RNF40: variants seen among roughly 807,000 people sequenced by gnomAD.
RNF40 encodes the protein E3 ubiquitin-protein ligase BRE1B.
RNF40 carries 39 observed loss-of-function variants against 123.3 expected under a neutral mutation model. That is an observed-to-expected ratio of 0.32 (90% CI 0.24 to 0.41). The LOEUF is 0.41. RNF40 is among the 10% of genes least tolerant of loss of function. The pLI, the probability that RNF40 is intolerant of heterozygous loss-of-function variation, is 1.00. For synonymous variants in RNF40, 538 were observed against 526.0 expected (o/e 1.02, Z -0.31); for missense variants, 1,003 against 1,319.9 (o/e 0.76, Z 3.72).
rs1355180688 is a variant in RNF40 at position 30,776,066 on chromosome 16, C to T, written c.*1952C>T. On this transcript the variant is annotated 3_prime_UTR_variant, in exon 20 of 20. Transcript: ENST00000324685. ...TATTGCATCATAGAGACGCGGCCAC[C>T]TTCGCCCCTGGAGAGCGCCAGTCTC... The T allele has an allele frequency of 2.0e-5, 3 of 152,256 alleles. No homozygotes were observed. Among genetic ancestry groups the T allele is most frequent in the Non-Finnish European group, 2.9e-5 (2 of 68,066 alleles). 9.4% of individuals were successfully genotyped at this position (152,256 alleles called of 1,614,324 possible).
intron 17 of RNF40, 77 bp from the exon 18 acceptor site, chr16:30,771,756 C>A: frequency 6.8e-7 from 1 of 1,476,006 alleles, no homozygotes; most frequent in Non-Finnish European, 9.0e-7. Flanking sequence ...TGGACAGAAG[C>A]ATTGGTGGGC....
chr16:30,767,691 A>G, intron 11 of RNF40: 1 of 554,034 alleles, frequency 1.8e-6, no homozygotes, highest in Non-Finnish European at 3.1e-6. Context: ...CAAAAATCGT[A>G]TGAATAGGCA....
At position 30,775,206 on chromosome 16, in the gene RNF40, C is replaced by T. The variant is rs181540872; in HGVS notation, c.*1092C>T. 4 of 350,352 alleles carry T rather than the reference C, an allele frequency of 1.1e-5. No individual in the cohort carries two copies. Among genetic ancestry groups the T allele is most frequent in the South Asian group, 2.1e-5 (1 of 47,238 alleles). 21.7% of individuals were successfully genotyped at this position (350,352 alleles called of 1,614,324 possible). ...CGGCCTGCAGCCAGAGTAGCCAGGC[C>T]GCGCACCCCAAATGTAGTCCCCCGA... On this transcript the variant is annotated 3_prime_UTR_variant, in exon 20 of 20. Transcript: ENST00000324685.
chr16:30,764,914 C>CGTAA, intron 5 of RNF40, 24 bp from the exon 6 acceptor site: 5 of 1,607,046 alleles, frequency 3.1e-6, no homozygotes, highest in Non-Finnish European at 4.2e-6. Context: ...GAGCTGGGCT[C>CGTAA]TTACCTGGGC....
rs1461840471 is a variant in RNF40, at chr16:30,764,862, T to C, written c.650-76T>C. On this transcript the variant is annotated intron_variant, in intron 5 of 19. Coordinates refer to ENST00000324685, the MANE Select transcript of RNF40 (RefSeq NM_014771.4). Reference sequence around the variant, plus strand: ...CAGCTGGTGGATCACACTGGGTATATAGCAGACTCCAGAATGAGTTAGTTG... The same window carrying C: ...CAGCTGGTGGATCACACTGGGTATACAGCAGACTCCAGAATGAGTTAGTTG... 9 of 1,550,642 alleles carry C rather than the reference T, an allele frequency of 5.8e-6. No homozygotes were observed. The Admixed American group carries it at 7.8e-5, about 13-fold the overall frequency.
chr16:30,775,290 A>G lies in RNF40; in HGVS notation c.*1176A>G. Reference sequence around the variant, plus strand: ...GCTTGGTGTGAGCCTGGGAGGGCTCAGACTTAACGGCCGGCAGGGATCCCG... The same window carrying G: ...GCTTGGTGTGAGCCTGGGAGGGCTCGGACTTAACGGCCGGCAGGGATCCCG... On this transcript the variant is annotated 3_prime_UTR_variant, in exon 20 of 20. Coordinates refer to ENST00000324685, the MANE Select transcript of RNF40 (RefSeq NM_014771.4). 3.2e-6 allele frequency: 1 copy of G among 309,296 alleles called. No homozygotes were observed. The highest frequency in any genetic ancestry group is 6.3e-6 in the Non-Finnish European group (1 of 158,374). The allele number at this position is 309,296 out of a possible 1,614,324, so 19.2% of individuals were successfully genotyped here.
At chr16:30,769,137 A>G in intron 15 of RNF40, 49 bp from the exon 16 acceptor site, 1 of 1,605,116 alleles carries the variant, frequency 6.2e-7, no homozygotes, top group Admixed American at 1.7e-5. Flanking sequence ...CCCCACAGCC[A>G]TCCTGTCCAC....
rs1339633873 is a variant in RNF40, at chr16:30,772,129, G to A, written c.2768G>A (p.Arg923Lys). 2.1e-5 allele frequency: 33 copies of A among 1,555,788 alleles called. No homozygotes were observed. The highest frequency in any genetic ancestry group is 2.8e-5 in the Non-Finnish European group (32 of 1,149,392). ...CTGCGGCGCAAGCTGGAAAAGCAGA[G>A]GAAGGTGGAGGTCTACGCAGATGCC... ...SRLRRKLEKQ[R>K]KVEVYADADE... The change falls in exon 19 of 20, where the codon AGG becomes AAG. Residue 923 changes from arginine (R) to lysine (K), a missense_variant. Arg to Lys is a conservative substitution (Grantham distance 26). Coordinates refer to ENST00000324685, the MANE Select transcript of RNF40 (RefSeq NM_014771.4).
upstream of RNF40, chr16:30,762,018 T>C (rs917420456): frequency 5.3e-5 from 27 of 506,774 alleles, no homozygotes; most frequent in Non-Finnish European, 8.7e-5. Flanking sequence ...ACGTGAGAAG[T>C]TGCGAGTGCC....
At position 30,769,236 on chromosome 16, in the gene RNF40, G is replaced by A. The variant is rs1201751860; in HGVS notation, c.2298G>A (p.Glu766=). 1 of 1,614,246 alleles carries A rather than the reference G, an allele frequency of 6.2e-7. No individual in the cohort carries two copies. The highest frequency in any genetic ancestry group is 1.7e-5 in the Admixed American group (1 of 60,036). ...TGGATGTGACAGGTCAGGCTTTTGA[G>A]GACATGCAGGAACAGAACGGGCGGC... ...SEMDVTGQAF[E]DMQEQNGRLL... Residue 766 remains glutamate (E), a synonymous_variant, in exon 16 of 20, where the codon GAG becomes GAA. Transcript: ENST00000324685.
At position 30,767,892 on chromosome 16, in the gene RNF40, A is replaced by G; in HGVS notation, c.1430-2A>G. ...CACCTTTACTTGCTGATGCTCCTCC[A>G]GGGCCCATCAACCGTGAGATGCGCC... On this transcript the variant is annotated splice_acceptor_variant, in intron 11 of 19. Coordinates refer to ENST00000324685, the MANE Select transcript of RNF40 (RefSeq NM_014771.4). LOFTEE classifies it high-confidence loss of function. 1 of 1,614,160 alleles carries G rather than the reference A, an allele frequency of 6.2e-7. No homozygotes were observed. Among genetic ancestry groups the G allele is most frequent in the Non-Finnish European group, 8.5e-7 (1 of 1,180,046 alleles).
At chr16:30,762,309 A>C, upstream of RNF40, 14 of 476,454 alleles carry the variant, frequency 2.9e-5, no homozygotes, top group Non-Finnish European at 3.3e-5. Context: ...AGTGACGCCC[A>C]GTGACGTCCG....
At position 30,774,198 on chromosome 16, in the gene RNF40, C is replaced by T. The variant is rs1196819820; in HGVS notation, c.*84C>T. On this transcript the variant is annotated 3_prime_UTR_variant, in exon 20 of 20. Coordinates refer to ENST00000324685, the MANE Select transcript of RNF40 (RefSeq NM_014771.4). ...CTCCCCACCCCAGGTCTAGTGGCCC[C>T]ACCCTCCATTCCGGACCCCATGGGC... 4 of 1,430,122 alleles carry T rather than the reference C, an allele frequency of 2.8e-6. No homozygotes were observed. The highest frequency in any genetic ancestry group is 3.8e-6 in the Non-Finnish European group (4 of 1,059,244). The allele number at this position is 1,430,122 out of a possible 1,614,324, so 88.6% of individuals were successfully genotyped here. A position where few individuals can be genotyped will look rare whatever the true frequency, so the allele number is the denominator to read the frequency against.
intron 17 of RNF40, among the ~76,000 whole-genome samples, chr16:30,770,626 C>T (rs1352085767): frequency 1.3e-5 from 2 of 152,228 alleles, no homozygotes; most frequent in African/African-American, 2.4e-5. Flanking sequence ...TGGCTAAAGG[C>T]TTAAGATTAA....
chr16:30,763,000 G>C, intron 2 of RNF40, 118 bp from the exon 3 acceptor site: 2 of 1,137,894 alleles, frequency 1.8e-6, no homozygotes, highest in Non-Finnish European at 2.5e-6. Flanking sequence ...TTAGCGGTTA[G>C]TGTGGGAATA....
At position 30,762,773 on chromosome 16, in the gene RNF40, TTTAGCAAGGTCCGCG is replaced by T; in HGVS notation, c.132+100_132+114del. ...GGAATCTTACACCCACTTCCCCAAGTTTAGCAAGGTCCGCGTTACAGGACCTTGAAAGAAAGGTTA... is the reference window on the plus strand; with the variant it reads ...GGAATCTTACACCCACTTCCCCAAGTTTACAGGACCTTGAAAGAAAGGTTA... On this transcript the variant is annotated intron_variant, in intron 2 of 19. Coordinates refer to ENST00000324685, the MANE Select transcript of RNF40 (RefSeq NM_014771.4). 2.0e-6 allele frequency: 3 copies of T among 1,483,344 alleles called. No individual in the cohort carries two copies. The South Asian group carries it at 3.7e-5, about 18-fold the overall frequency. 91.9% of individuals were successfully genotyped at this position (1,483,344 alleles called of 1,614,324 possible).
intron 19 of RNF40, 124 bp downstream of exon 19, chr16:30,772,314 T>A: frequency 1.3e-6 from 1 of 795,352 alleles, no homozygotes; most frequent in Non-Finnish European, 2.2e-6. Flanking sequence ...GGCAGCACAG[T>A]GGTCACAGAG....
Position 30,769,405 on chromosome 16 carries a change from C to T in RNF40, c.2460+7C>T, listed in dbSNP as rs1354900613. The T allele has an allele frequency of 2.5e-6, 4 of 1,614,208 alleles. No homozygotes were observed. The highest frequency in any genetic ancestry group is 3.4e-6 in the Non-Finnish European group (4 of 1,180,042). On this transcript the variant is annotated splice_region_variant and intron_variant, in intron 16 of 19. Transcript: ENST00000324685. ...CCTTGGCCTCAAGTCCCAGGTATGG[C>T]CGCCGCCAGCTTGCAGACTGGAGCT...
chr16:30,766,570 G>C lies in RNF40; in HGVS notation c.1293+12G>C, dbSNP rs376933347. On this transcript the variant is annotated intron_variant, in intron 10 of 19. Transcript: ENST00000324685. This position sits in a 1 kb window ranked among gnomAD's most constrained non-coding sequence, Gnocchi z 5.4. ...TCGAGCACATGGAGGTATGGCCCTG[G>C]AACAGGCGTTAGGGCTGGGCTAAGG... The C allele has an allele frequency of 6.2e-7, 1 of 1,602,492 alleles. No homozygotes were observed. The highest frequency in any genetic ancestry group is 1.1e-5 in the South Asian group (1 of 89,582).
Sources: gnomAD v4.1 joint callset for allele counts (sites outside exome capture counted in the v4.1 genomes callset) on GRCh38, gnomAD v4.1.1 for gene constraint, Gnocchi (gnomAD v3.1) non-coding constraint, MANE v1.5 for transcripts, NCBI Gene and HGNC (gene_info 2026-07-23, HGNC 2026-07-21) for gene names.